The following GPHN variants were observed in gnomAD, a reference collection of about 807,000 sequenced individuals.
The protein encoded by GPHN is gephyrin.
A neutral mutation model predicts 95.5 loss-of-function variants in GPHN; 17 were observed. The observed-to-expected ratio is 0.18, with a 90% confidence interval of 0.12 to 0.27. The LOEUF (loss-of-function observed/expected upper bound fraction) is 0.27. Among genes scored for constraint, GPHN ranks in the 10% least tolerant of loss-of-function variants. GPHN has a pLI of 1.00. For synonymous variants in GPHN, 320 were observed against 322.5 expected, an observed-to-expected ratio of 0.99 and a Z score of 0.08; for missense variants, 660 against 978.1, an observed-to-expected ratio of 0.67 and a Z score of 4.34.
chr14:66,523,088 A>C (rs765588133), intron 1 of GPHN, among the ~76,000 whole-genome samples: 1 of 152,100 alleles, frequency 6.6e-6, no homozygotes, highest in African/African-American at 2.4e-5. Flanking sequence ...GCTGAAATCT[A>C]TTAGTGACGG....
downstream of GPHN, among the ~76,000 whole-genome samples, chr14:67,182,062 A>G (rs1291047266): frequency 6.6e-6 from 1 of 152,198 alleles, no homozygotes; most frequent in African/African-American, 2.4e-5. Context: ...GGAGAATAGC[A>G]AGCAAATTTA....
chr14:67,629,716 A>T, the GPHN span, among the ~76,000 whole-genome samples: 5 of 152,348 alleles, frequency 3.3e-5, no homozygotes, highest in African/African-American at 1.2e-4. Flanking sequence ...TTTATAGTTA[A>T]TAACGAATGC....
In GPHN at chr14:67,140,324, C is replaced by T. The variant is rs576171094; in HGVS notation, c.1749-3038C>T. On this transcript the variant is annotated intron_variant, in intron 17 of 22. Transcript: ENST00000478722. Reference sequence around the variant, plus strand: ...GCATGAACCCAGGAGGCAGAGGTTGCAGTGAGCCGAGATTGTGCCATTGTA... The same window carrying T: ...GCATGAACCCAGGAGGCAGAGGTTGTAGTGAGCCGAGATTGTGCCATTGTA... Among the ~76,000 whole-genome samples the T allele has an allele frequency of 1.3e-3, 201 of 150,480 alleles. 2 individuals are homozygous for T. The highest frequency in any genetic ancestry group is 0.01 in the Middle Eastern group (3 of 292).
At chr14:67,479,895 G>T in the GPHN span, among the ~76,000 whole-genome samples, 1 of 152,084 alleles carries the variant, frequency 6.6e-6, no homozygotes, top group African/African-American at 2.4e-5. Flanking sequence ...TGCCTCACAG[G>T]TCTCAATATG....
intron 1 of GPHN, among the ~76,000 whole-genome samples, chr14:66,655,538 T>C (rs2065255187): frequency 6.6e-6 from 1 of 152,134 alleles, no homozygotes; most frequent in Admixed American, 6.5e-5. Context: ...AATGTGCCAT[T>C]TGCAAATAGG....
chr14:66,860,693 A>G (rs375408156), intron 4 of GPHN, among the ~76,000 whole-genome samples: 69 of 152,182 alleles, frequency 4.5e-4, no homozygotes, highest in African/African-American at 1.5e-3. Context: ...ACTTTTCAAG[A>G]CGTAATAAGA....
At chr14:67,664,343 A>G in the GPHN span, among the ~76,000 whole-genome samples, 8 of 152,292 alleles carry the variant, frequency 5.3e-5, no homozygotes, top group South Asian at 1.7e-3. Flanking sequence ...GGAATCATAC[A>G]ATATTTGTCC....
intron 1 of GPHN, among the ~76,000 whole-genome samples, chr14:66,549,883 A>T (rs1432914451): frequency 6.6e-6 from 1 of 152,228 alleles, no homozygotes; most frequent in African/African-American, 2.4e-5. Flanking sequence ...CAAAGCCTGA[A>T]TGATGGCACA....
intron 17 of GPHN, among the ~76,000 whole-genome samples, chr14:67,134,801 T>C (rs1193784924): frequency 1.3e-5 from 2 of 151,988 alleles, no homozygotes; most frequent in Non-Finnish European, 2.9e-5. Flanking sequence ...TGGTGACTTT[T>C]TGCCCTACTT....
At chr14:66,963,892 G>A (rs2153586841) in intron 8 of GPHN, among the ~76,000 whole-genome samples, 1 of 152,206 alleles carries the variant, frequency 6.6e-6, no homozygotes, top group East Asian at 1.9e-4. Flanking sequence ...CATAATATTA[G>A]GAATACCTTG....
intron 1 of GPHN, among the ~76,000 whole-genome samples, chr14:66,587,974 C>G (rs1323550781): frequency 6.6e-6 from 1 of 152,148 alleles, no homozygotes; most frequent in Non-Finnish European, 1.5e-5. Context: ...TGACAGACAC[C>G]TCATACAGGA....
the GPHN span, among the ~76,000 whole-genome samples, chr14:67,644,349 A>G: frequency 6.6e-6 from 1 of 152,208 alleles, no homozygotes; most frequent in Admixed American, 6.5e-5. Context: ...AGGAAACTGA[A>G]ATCTAAAGAA....
At chr14:66,817,515 A>G (rs1303215602) in intron 3 of GPHN, among the ~76,000 whole-genome samples, 3 of 152,196 alleles carry the variant, frequency 2.0e-5, no homozygotes, top group African/African-American at 7.2e-5. Context: ...GTTACATTAA[A>G]AACCACCACA....
intron 1 of GPHN, among the ~76,000 whole-genome samples, chr14:66,553,932 A>G (rs913526185): frequency 2.6e-5 from 4 of 152,144 alleles, no homozygotes; most frequent in Non-Finnish European, 5.9e-5. Context: ...TATGGTTTCC[A>G]TTTTGTTAAT....
chr14:66,518,620 A>T (rs1427974117), intron 1 of GPHN, among the ~76,000 whole-genome samples: 2 of 152,150 alleles, frequency 1.3e-5, no homozygotes, highest in African/African-American at 4.8e-5. Flanking sequence ...CAAAGAAATT[A>T]TGGTATATAT....
the GPHN span, among the ~76,000 whole-genome samples, chr14:67,424,371 A>G: frequency 6.6e-6 from 1 of 151,850 alleles, no homozygotes; most frequent in African/African-American, 2.4e-5. Flanking sequence ...CAGTCCTAGC[A>G]CTCTGGGAAG....
At chr14:66,760,661 C>T (rs2058723403) in intron 2 of GPHN, 1 of 424,094 alleles carries the variant, frequency 2.4e-6, no homozygotes, top group Admixed American at 3.1e-5. Context: ...TAAAAAGAAG[C>T]ATAATCCTCG....
intron 10 of GPHN, among the ~76,000 whole-genome samples, chr14:67,028,745 C>T (rs1419416724): frequency 6.6e-6 from 1 of 151,988 alleles, no homozygotes; most frequent in Non-Finnish European, 1.5e-5. Flanking sequence ...TGTTTGAATT[C>T]CTTGTATGTT....
chr14:66,543,186 C>T lies in GPHN; in HGVS notation c.64+34595C>T, dbSNP rs2059415690. ...CCAATCACCCCCTACCAGGCCCCAC[C>T]CCCAGCATTGGGGATTACATTTCAA... is the stretch of plus-strand genomic sequence containing the variant. On this transcript the variant is annotated intron_variant, in intron 1 of 22. Transcript: ENST00000478722. Among the ~76,000 whole-genome samples, 3 of 152,060 alleles carry T rather than the reference C, an allele frequency of 2.0e-5. No homozygotes were observed. In the South Asian group the frequency reaches 6.2e-4, roughly 32 times the overall value.
Sources: allele counts gnomAD v4.1 joint callset (sites outside exome capture counted in the v4.1 genomes callset), GRCh38; gene constraint gnomAD v4.1.1; transcripts MANE v1.5; gene names NCBI Gene and HGNC (gene_info 2026-07-23, HGNC 2026-07-21).